The following MRAS variants were observed in gnomAD, a reference collection of about 807,000 sequenced individuals.
The protein encoded by MRAS is ras-related protein M-Ras.
Under a neutral mutation model 20.9 loss-of-function variants are expected in MRAS, and 4 were observed. The ratio of observed to expected loss-of-function variants is 0.19; its 90% confidence interval spans 0.09 to 0.44. The LOEUF (loss-of-function observed/expected upper bound fraction) is 0.44, where lower values mean the gene tolerates loss of function less well. Ranked by LOEUF, MRAS falls within the 20% of genes least tolerant of loss-of-function variation. The pLI, the probability that MRAS is intolerant of heterozygous loss-of-function variation, is 0.99. For synonymous variants in MRAS, 98 were observed against 102.9 expected (o/e 0.95, Z 0.29); for missense variants, 154 against 277.5 (o/e 0.56, Z 3.16).
intron 2 of MRAS, among the ~76,000 whole-genome samples, chr3:138,377,545 A>C (rs921340932): frequency 1.3e-5 from 2 of 152,216 alleles, no homozygotes; most frequent in Non-Finnish European, 2.9e-5. Context: ...CGGAGGTTGC[A>C]GTGAGTAACT....
At chr3:138,385,547 ACT>A (rs1326592572) in intron 2 of MRAS, among the ~76,000 whole-genome samples, 3 of 146,910 alleles carry the variant, frequency 2.0e-5, no homozygotes, top group African/African-American at 7.6e-5. Context: ...ACAGAGTCTC[ACT>A]CTGTCACCCA....
intron 1 of MRAS, among the ~76,000 whole-genome samples, chr3:138,357,619 C>A (rs532825167): frequency 6.6e-6 from 1 of 152,222 alleles, no homozygotes; most frequent in Non-Finnish European, 1.5e-5. Flanking sequence ...GTATTGATGA[C>A]AGCCCTCCCC....
In MRAS at chr3:138,403,773, T is replaced by G. The variant is rs1361399939; in HGVS notation, c.*1504T>G. The G allele has an allele frequency of 2.6e-5, 4 of 152,606 alleles. No individual in the cohort carries two copies. The highest frequency in any genetic ancestry group is 2.6e-4 in the Admixed American group (4 of 15,284). The allele number at this position is 152,606 out of a possible 1,614,324, so 9.5% of individuals were successfully genotyped here. A position where few individuals can be genotyped will look rare whatever the true frequency, so the allele number is the denominator to read the frequency against. On this transcript the variant is annotated 3_prime_UTR_variant, in exon 6 of 6. Transcript: ENST00000423968. ...AAAGGCAGCACAGCTGGTGACCTTA[T>G]TTTCTAGATGTTACAAATCAGGTCA...
At chr3:138,397,195 A>G in intron 2 of MRAS, 129 bp from the exon 3 acceptor site, 1 of 1,096,852 alleles carries the variant, frequency 9.1e-7, no homozygotes, top group Non-Finnish European at 1.3e-6. Flanking sequence ...GAGCTTATGC[A>G]GCCTCTCACG....
At chr3:138,383,575 C>G (rs145323897) in intron 2 of MRAS, among the ~76,000 whole-genome samples, 2 of 152,302 alleles carry the variant, frequency 1.3e-5, no homozygotes, top group East Asian at 3.9e-4. Context: ...TGACACATGT[C>G]CCTGTGTCTA....
chr3:138,397,015 C>A (rs1431872632), intron 2 of MRAS, among the ~76,000 whole-genome samples: 1 of 152,168 alleles, frequency 6.6e-6, no homozygotes, highest in Non-Finnish European at 1.5e-5. Context: ...GAGTTCATCA[C>A]TGGCTTCATG....
chr3:138,379,981 CT>C (rs1389249593), intron 2 of MRAS, among the ~76,000 whole-genome samples: 2 of 152,132 alleles, frequency 1.3e-5, no homozygotes, highest in Non-Finnish European at 2.9e-5. Context: ...CACATCTTCC[CT>C]AGCATTTGTT....
rs918992403 is a variant in MRAS at position 138,374,187 on chromosome 3, T to A, written c.193+1111T>A. Among the ~76,000 whole-genome samples the A allele has an allele frequency of 4.6e-5, 7 of 152,188 alleles. No homozygotes were observed. The East Asian group carries it at 1.2e-3, about 25-fold the overall frequency. ...CATGTTGGCCAGGATGGTCTCGATC[T>A]CCGGACCTCGTGATCCGCCTGCCTC... On this transcript the variant is annotated intron_variant, in intron 2 of 5. Coordinates refer to ENST00000423968, the MANE Select transcript of MRAS (RefSeq NM_001085049.3).
At chr3:138,395,972 G>T (rs1232101110) in intron 2 of MRAS, among the ~76,000 whole-genome samples, 1 of 152,254 alleles carries the variant, frequency 6.6e-6, no homozygotes, top group Non-Finnish European at 1.5e-5. Context: ...GGAGCTAACA[G>T]TCCTGCTGGG....
chr3:138,364,628 G>T (rs1325346698), intron 1 of MRAS, among the ~76,000 whole-genome samples: 1 of 152,194 alleles, frequency 6.6e-6, no homozygotes, highest in Non-Finnish European at 1.5e-5. Context: ...CCATATAGGG[G>T]ATAGGGTCCC....
intron 1 of MRAS, chr3:138,350,499 C>A (rs1015820784): frequency 1.3e-5 from 2 of 151,990 alleles, no homozygotes; most frequent in East Asian, 1.9e-4. Flanking sequence ...GGAAACTGAC[C>A]CCCTAGATGT....
chr3:138,353,227 C>A (rs906913433), intron 1 of MRAS, among the ~76,000 whole-genome samples: 1 of 151,732 alleles, frequency 6.6e-6, no homozygotes, highest in African/African-American at 2.4e-5. Flanking sequence ...ATATTTTGCC[C>A]AGATTAAGGC....
upstream of MRAS, chr3:138,348,484 C>T (rs1292857589): frequency 1.3e-5 from 2 of 152,038 alleles, no homozygotes; most frequent in Non-Finnish European, 1.5e-5. Flanking sequence ...GGTCGAGGCA[C>T]CCGGCCCGGG....
intron 1 of MRAS, among the ~76,000 whole-genome samples, chr3:138,351,110 C>T (rs1215174754): frequency 6.6e-6 from 1 of 152,144 alleles, no homozygotes; most frequent in Non-Finnish European, 1.5e-5. Flanking sequence ...TGACCAGCCT[C>T]CTGGATCTAG....
chr3:138,375,838 G>A (rs1298137207), intron 2 of MRAS, among the ~76,000 whole-genome samples: 4 of 151,996 alleles, frequency 2.6e-5, no homozygotes, highest in Non-Finnish European at 4.4e-5. Context: ...CCTGGGCAAC[G>A]TGGTGAAACC....
intron 1 of MRAS, among the ~76,000 whole-genome samples, chr3:138,362,080 G>A (rs1228883366): frequency 6.6e-6 from 1 of 152,138 alleles, no homozygotes; most frequent in African/African-American, 2.4e-5. Flanking sequence ...CACTGTGAGG[G>A]GCTGGGGTAG....
At chr3:138,386,919 G>A (rs1452828046) in intron 2 of MRAS, among the ~76,000 whole-genome samples, 1 of 152,150 alleles carries the variant, frequency 6.6e-6, no homozygotes, top group African/African-American at 2.4e-5. Flanking sequence ...GTTCTCTTGG[G>A]TATATACCTA....
chr3:138,353,188 AT>A (rs2108491556), intron 1 of MRAS, among the ~76,000 whole-genome samples: 1 of 152,366 alleles, frequency 6.6e-6, no homozygotes, highest in Admixed American at 6.5e-5. Flanking sequence ...AAATACAGGC[AT>A]CAGAACAAAC....
intron 2 of MRAS, among the ~76,000 whole-genome samples, chr3:138,384,812 A>G (rs1179375772): frequency 6.6e-6 from 1 of 152,174 alleles, no homozygotes; most frequent in Non-Finnish European, 1.5e-5. Context: ...GTAGTAGGAT[A>G]AAGACCAAGG....
Sources: allele counts gnomAD v4.1 joint callset (sites outside exome capture counted in the v4.1 genomes callset), GRCh38; gene constraint gnomAD v4.1.1; transcripts MANE v1.5; gene names NCBI Gene and HGNC (gene_info 2026-07-23, HGNC 2026-07-21).